The following ARID2 variants were observed in gnomAD, a reference collection of about 807,000 sequenced individuals.
ARID2 encodes AT-rich interaction domain 2, also known as AT-rich interactive domain-containing protein 2.
A neutral mutation model predicts 184.6 loss-of-function variants in ARID2; 32 were observed. The observed-to-expected ratio is 0.17, with a 90% CI of 0.13 to 0.23. ARID2 has a LOEUF of 0.23. Among genes scored for constraint, ARID2 ranks in the 10% least tolerant of loss-of-function variants. The pLI, the probability that ARID2 is intolerant of heterozygous loss-of-function variation, is 1.00. For missense variants in ARID2, 1,696 were observed against 2,197.6 expected (o/e 0.77, Z 4.56); for synonymous variants, 836 against 772.6 (o/e 1.08, Z -1.36).
Position 45,836,894 on chromosome 12 carries a change from A to G in ARID2, c.926A>G (p.Asn309Ser). The change falls in exon 8 of 21, where the codon AAT (asparagine) becomes AGT (serine). Residue 309 changes from asparagine (N) to serine (S), a missense_variant. Physicochemically the swap from Asn to Ser is conservative, Grantham distance 46. This residue lies in a region of ARID2 where 86 missense variants were observed against 200.8 expected (regional missense o/e 0.43). Coordinates refer to ENST00000334344, the MANE Select transcript of ARID2 (RefSeq NM_152641.4). ...EEGNVKLLAA[N>S]RTCLRFLLLS... Reference sequence around the variant, plus strand: ...GGCAATGTTAAGCTCTTGGCAGCTAATCGTACCTGTCTTCGTTTCCTATTA... The same window carrying G: ...GGCAATGTTAAGCTCTTGGCAGCTAGTCGTACCTGTCTTCGTTTCCTATTA... 1 of 1,614,134 alleles carries G rather than the reference A, an allele frequency of 6.2e-7. No homozygotes were observed. The highest frequency in any genetic ancestry group is 2.2e-5 in the East Asian group (1 of 44,862).
At chr12:45,814,286 CAA>C (rs1434745390) in intron 4 of ARID2, among the ~76,000 whole-genome samples, 1 of 152,080 alleles carries the variant, frequency 6.6e-6, no homozygotes. Context: ...AAATTGAAAA[CAA>C]AGAGAAGTGA....
chr12:45,813,214 G>A (rs1942743336), intron 4 of ARID2, among the ~76,000 whole-genome samples: 2 of 152,176 alleles, frequency 1.3e-5, no homozygotes, highest in South Asian at 4.2e-4. Context: ...TGAAGAGGAA[G>A]AAACTGGGAA....
At chr12:45,812,912 CT>C (rs893719526) in intron 4 of ARID2, among the ~76,000 whole-genome samples, 1 of 152,142 alleles carries the variant, frequency 6.6e-6, no homozygotes, top group African/African-American at 2.4e-5. Flanking sequence ...CAAACAAACA[CT>C]TTTCTATGTT....
rs1479970849 is a variant in ARID2 at position 45,850,627 on chromosome 12, A to G, written c.2504A>G (p.Gln835Arg). 1 of 1,614,032 alleles carries G rather than the reference A, an allele frequency of 6.2e-7. No homozygotes were observed. The highest frequency in any genetic ancestry group is 1.7e-5 in the Admixed American group (1 of 60,002). ...SPQPVQTSSQ[Q>R]TSAGSQSQDT... ...CAACCTGTGCAAACTTCATCTCAAC[A>G]GACATCAGCTGGTAGCCAGTCACAA... The change falls in exon 15 of 21, where the codon CAG becomes CGG. Residue 835 changes from glutamine (Q) to arginine (R), a missense_variant. Coordinates refer to ENST00000334344, the MANE Select transcript of ARID2 (RefSeq NM_152641.4).
chr12:45,801,932 C>T (rs902632754), intron 3 of ARID2, among the ~76,000 whole-genome samples: 5 of 152,116 alleles, frequency 3.3e-5, no homozygotes, highest in African/African-American at 4.8e-5. Context: ...AAGTATGAAT[C>T]TGTATCAGTA....
At chr12:45,864,009 C>A (rs1009382696) in intron 16 of ARID2, among the ~76,000 whole-genome samples, 10 of 151,846 alleles carry the variant, frequency 6.6e-5, no homozygotes, top group African/African-American at 2.4e-4. Context: ...GTGCATGCCG[C>A]CACACCAAGC....
chr12:45,904,683 CCTT>C (rs1944498684), intron 20 of ARID2, among the ~76,000 whole-genome samples: 1 of 127,772 alleles, frequency 7.8e-6, no homozygotes, highest in Non-Finnish European at 1.6e-5. Context: ...GAGTGAGACT[CCTT>C]CTCAAAAAAA....
chr12:45,878,980 G>A (rs1349392056), intron 16 of ARID2, among the ~76,000 whole-genome samples: 1 of 151,994 alleles, frequency 6.6e-6, no homozygotes, highest in Middle Eastern at 3.4e-3. Context: ...TTCTTCCTTT[G>A]TTGTTGTTGG....
intron 3 of ARID2, among the ~76,000 whole-genome samples, chr12:45,751,575 T>A (rs1290484877): frequency 1.3e-5 from 2 of 152,320 alleles, no homozygotes; most frequent in Non-Finnish European, 2.9e-5. Context: ...TACAGTTAGT[T>A]CTTGCTTTAT....
rs771389737 is a variant in ARID2 at position 45,850,078 on chromosome 12, G to A, written c.1955G>A (p.Arg652Lys). 4 of 1,613,846 alleles carry A rather than the reference G, an allele frequency of 2.5e-6. No individual in the cohort carries two copies. The highest frequency in any genetic ancestry group is 4.5e-5 in the East Asian group (2 of 44,870). ...GSQTIGNHFQ[R>K]TPVANQSSNL... ...CAAACCATAGGAAACCATTTTCAGA[G>A]GACTCCTGTTGCCAACCAATCTTCA... The change falls in exon 15 of 21, where the codon AGG (arginine) becomes AAG (lysine). Residue 652 changes from arginine (R) to lysine (K), a missense_variant. This residue lies in a region of ARID2 where 713 missense variants were observed against 824.4 expected (regional missense o/e 0.86). Transcript: ENST00000334344.
chr12:45,891,705 A>G, intron 16 of ARID2, 75 bp from the exon 17 acceptor site: 1 of 1,516,380 alleles, frequency 6.6e-7, no homozygotes, highest in Admixed American at 2.0e-5. Flanking sequence ...TGGAAATATA[A>G]GCAGAGAAAT....
intron 4 of ARID2, among the ~76,000 whole-genome samples, chr12:45,814,371 C>T (rs181351764): frequency 1.9e-3 from 284 of 152,276 alleles, no homozygotes; most frequent in Non-Finnish European, 3.4e-3. Context: ...AAAATATGGA[C>T]GGGCGCGGTG....
At chr12:45,835,355 T>TA (rs1360982640) in intron 6 of ARID2, among the ~76,000 whole-genome samples, 3 of 152,276 alleles carry the variant, frequency 2.0e-5, no homozygotes, top group Admixed American at 1.3e-4. Flanking sequence ...CATTGTCTTT[T>TA]AAAAAAATGT....
chr12:45,865,665 C>A (rs1943820048), intron 16 of ARID2, among the ~76,000 whole-genome samples: 1 of 152,052 alleles, frequency 6.6e-6, no homozygotes, highest in Non-Finnish European at 1.5e-5. Context: ...CCATTTAAAT[C>A]TTATATTTTG....
At chr12:45,899,270 CAAAAAAAAAAAAA>C (rs774912363) in intron 20 of ARID2, among the ~76,000 whole-genome samples, 6 of 46,328 alleles carry the variant, frequency 1.3e-4, no homozygotes, top group Non-Finnish European at 2.1e-4. Flanking sequence ...GACTCTGTCT[CAAAAAAAAAAAAA>C]AAAAAAAAAA....
At chr12:45,797,113 AATG>A (rs1372813645) in intron 3 of ARID2, among the ~76,000 whole-genome samples, 2 of 152,202 alleles carry the variant, frequency 1.3e-5, no homozygotes, top group East Asian at 3.8e-4. Context: ...TCCTTTTTAT[AATG>A]ATTTAAAGTA....
intron 16 of ARID2, among the ~76,000 whole-genome samples, chr12:45,891,555 T>G (rs961491932): frequency 6.6e-6 from 1 of 152,216 alleles, no homozygotes; most frequent in African/African-American, 2.4e-5. Flanking sequence ...GTTTATAAGA[T>G]AATGTTCTAT....
Position 45,906,279 on chromosome 12 carries a change from C to G in ARID2, c.*1201C>G, listed in dbSNP as rs1208083489. 1 of 232,888 alleles carries G rather than the reference C, an allele frequency of 4.3e-6. No homozygotes were observed. Among genetic ancestry groups the G allele is most frequent in the Non-Finnish European group, 8.5e-6 (1 of 117,736 alleles). 14.4% of individuals were successfully genotyped at this position (232,888 alleles called of 1,614,324 possible). A position where few individuals can be genotyped will look rare whatever the true frequency, so the allele number is the denominator to read the frequency against. On this transcript the variant is annotated 3_prime_UTR_variant, in exon 21 of 21. Transcript: ENST00000334344. ...AATTTTATTGTATTATTCTTCCATTCTTAATACTGTACCACATTCCTGCTC... is the reference window on the plus strand; with the variant it reads ...AATTTTATTGTATTATTCTTCCATTGTTAATACTGTACCACATTCCTGCTC...
chr12:45,870,153 CT>C (rs1429380007), intron 16 of ARID2, among the ~76,000 whole-genome samples: 1 of 151,642 alleles, frequency 6.6e-6, no homozygotes, highest in South Asian at 2.1e-4. Context: ...GCCCTGCTAA[CT>C]TTTTTTGTAT....
Sources: allele counts gnomAD v4.1 joint callset (sites outside exome capture counted in the v4.1 genomes callset), GRCh38; gene constraint gnomAD v4.1.1; regional missense constraint gnomAD v4.1.1; transcripts MANE v1.5; gene names NCBI Gene and HGNC (gene_info 2026-07-23, HGNC 2026-07-21).